The following PDE4B variants were observed in gnomAD, a reference collection of about 807,000 sequenced individuals.
The protein encoded by PDE4B is phosphodiesterase 4B.
PDE4B carries 20 observed loss-of-function variants against 82.2 expected under a neutral mutation model. The observed-to-expected ratio is 0.24, with a 90% CI of 0.17 to 0.35. The LOEUF (loss-of-function observed/expected upper bound fraction) is 0.35, where lower values mean the gene tolerates loss of function less well. Among genes scored for constraint, PDE4B ranks in the 10% least tolerant of loss-of-function variants. The probability of loss-of-function intolerance (pLI) is 1.00; values close to 1 mark genes in which losing one functional copy is unlikely to be tolerated. For synonymous variants in PDE4B, 320 were observed against 318.9 expected, an observed-to-expected ratio of 1.00 and a Z score of -0.04; for missense variants, 655 against 907.2, an observed-to-expected ratio of 0.72 and a Z score of 3.57.
intron 3 of PDE4B, among the ~76,000 whole-genome samples, chr1:66,200,868 A>G (rs1375294772): frequency 1.3e-5 from 2 of 152,158 alleles, no homozygotes; most frequent in Non-Finnish European, 2.9e-5. Context: ...CCTGGCCAGA[A>G]CTTCCAACAC....
chr1:65,895,972 T>C (rs918911909), intron 1 of PDE4B, among the ~76,000 whole-genome samples: 16 of 132,294 alleles, frequency 1.2e-4, no homozygotes, highest in Admixed American at 1.0e-3. Flanking sequence ...TAATAATACT[T>C]CAAATTATTT....
chr1:65,978,852 A>G (rs1284739901), intron 3 of PDE4B, among the ~76,000 whole-genome samples: 1 of 152,194 alleles, frequency 6.6e-6, no homozygotes, highest in Non-Finnish European at 1.5e-5. Flanking sequence ...TCACCTTGGC[A>G]TCTCATTCCT....
chr1:66,176,762 T>C (rs556440765), intron 3 of PDE4B, among the ~76,000 whole-genome samples: 1 of 152,372 alleles, frequency 6.6e-6, no homozygotes, highest in South Asian at 2.1e-4. Context: ...TCAGACTTTG[T>C]TGTGGATGGT....
chr1:66,323,625 T>C (rs931603291), intron 7 of PDE4B, among the ~76,000 whole-genome samples: 1 of 152,178 alleles, frequency 6.6e-6, no homozygotes, highest in African/African-American at 2.4e-5. Flanking sequence ...GTACTTGTAA[T>C]GTACCATGCA....
intron 3 of PDE4B, among the ~76,000 whole-genome samples, chr1:66,066,535 G>A (rs1405978637): frequency 6.6e-6 from 1 of 151,860 alleles, no homozygotes; most frequent in Non-Finnish European, 1.5e-5. Flanking sequence ...AAATGTTAAT[G>A]CACATGTGAC....
At chr1:65,975,167 G>C (rs1296811534) in intron 3 of PDE4B, among the ~76,000 whole-genome samples, 1 of 152,204 alleles carries the variant, frequency 6.6e-6, no homozygotes, top group African/African-American at 2.4e-5. Context: ...AGATGGAAAT[G>C]AGAAACTTAT....
Position 66,277,847 on chromosome 1 carries a change from C to T in PDE4B, c.634+11760C>T, listed in dbSNP as rs376304513. Among the ~76,000 whole-genome samples, 80 of 152,350 alleles carry T rather than the reference C, an allele frequency of 5.3e-4. 1 individual carries two copies. In the South Asian group the frequency reaches 0.016, roughly 30 times the overall value. The stretch of plus-strand genomic sequence containing the variant: ...CTGGTTAAGAAGACAGGCTCTGCAG[C>T]AAGACTGCCTGCACTTAGTTCTAGT... On this transcript the variant is annotated intron_variant, in intron 7 of 16. Coordinates refer to ENST00000341517, the MANE Select transcript of PDE4B (RefSeq NM_002600.4).
chr1:66,218,935 G>C (rs1476215569), intron 3 of PDE4B, among the ~76,000 whole-genome samples: 1 of 152,008 alleles, frequency 6.6e-6, no homozygotes, highest in Non-Finnish European at 1.5e-5. Context: ...TTTGTTTATA[G>C]AAAAAAATCA....
intron 4 of PDE4B, among the ~76,000 whole-genome samples, chr1:66,254,101 C>A (rs76412988): frequency 6.6e-6 from 1 of 152,038 alleles, no homozygotes; most frequent in Non-Finnish European, 1.5e-5. Flanking sequence ...TCTGGAAATC[C>A]GGGAGTCATA....
At chr1:66,010,706 G>T in intron 3 of PDE4B, among the ~76,000 whole-genome samples, 1 of 148,544 alleles carries the variant, frequency 6.7e-6, no homozygotes, top group East Asian at 2.0e-4. Context: ...TTCTTCCTGT[G>T]AGACTTTTTG....
intron 3 of PDE4B, among the ~76,000 whole-genome samples, chr1:66,154,393 A>G (rs143288410): frequency 6.6e-6 from 1 of 152,290 alleles, no homozygotes; most frequent in Non-Finnish European, 1.5e-5. Flanking sequence ...AGAATGACCC[A>G]TGAGCATATG....
chr1:65,903,607 AC>A (rs1646996185), intron 1 of PDE4B, among the ~76,000 whole-genome samples: 1 of 151,992 alleles, frequency 6.6e-6, no homozygotes, highest in Admixed American at 6.5e-5. Context: ...ATTTAAAAAA[AC>A]AAAAATAAAT....
At chr1:66,140,721 G>A (rs1472260435) in intron 3 of PDE4B, among the ~76,000 whole-genome samples, 1 of 152,178 alleles carries the variant, frequency 6.6e-6, no homozygotes, top group East Asian at 1.9e-4. Flanking sequence ...ACTTAAGACA[G>A]TGCTTAAATG....
chr1:66,337,599 C>A (rs1660630898), intron 8 of PDE4B, among the ~76,000 whole-genome samples: 1 of 152,214 alleles, frequency 6.6e-6, no homozygotes, highest in African/African-American at 2.4e-5. Flanking sequence ...AGGGCCAACC[C>A]ATATCCAAGG....
chr1:65,897,144 T>A (rs1473731158), intron 1 of PDE4B, among the ~76,000 whole-genome samples: 1 of 152,160 alleles, frequency 6.6e-6, no homozygotes, highest in Non-Finnish European at 1.5e-5. Context: ...TTTTAATAAA[T>A]AAGAACACAG....
intron 1 of PDE4B, among the ~76,000 whole-genome samples, chr1:65,793,833 G>C (rs780712551): frequency 2.6e-5 from 4 of 152,212 alleles, no homozygotes; most frequent in Non-Finnish European, 5.9e-5. Context: ...GTTGGGGAAG[G>C]AAGAGGCTCT....
intron 3 of PDE4B, among the ~76,000 whole-genome samples, chr1:65,959,803 G>A (rs1415200139): frequency 6.6e-6 from 1 of 152,024 alleles, no homozygotes. Flanking sequence ...GGTTGAATTC[G>A]ACGATTCAGT....
At chr1:66,230,776 T>C (rs896310336) in intron 3 of PDE4B, among the ~76,000 whole-genome samples, 23 of 152,232 alleles carry the variant, frequency 1.5e-4, no homozygotes, top group African/African-American at 5.1e-4. Context: ...CCAGGTGCAG[T>C]GTGGCTCACG....
intron 7 of PDE4B, among the ~76,000 whole-genome samples, chr1:66,324,885 A>T (rs1659638619): frequency 6.6e-6 from 1 of 152,178 alleles, no homozygotes; most frequent in Non-Finnish European, 1.5e-5. Context: ...CCCTCTTGAA[A>T]TGTTGCACTC....
Sources: allele counts gnomAD v4.1 joint callset (sites outside exome capture counted in the v4.1 genomes callset), GRCh38; gene constraint gnomAD v4.1.1; transcripts MANE v1.5; gene names NCBI Gene and HGNC (gene_info 2026-07-23, HGNC 2026-07-21).